Variants in TOPBP1 observed in about 807,000 individuals in gnomAD.
TOPBP1 encodes DNA topoisomerase 2-binding protein 1.
In TOPBP1, 28 loss-of-function variants were observed where a neutral mutation model predicts 167.7. That is an observed-to-expected ratio of 0.17 (90% CI 0.12 to 0.23). TOPBP1 has a LOEUF of 0.23. Ranked by LOEUF, TOPBP1 falls within the 10% of genes least tolerant of loss-of-function variation. The probability of loss-of-function intolerance (pLI) is 1.00; values close to 1 mark genes in which losing one functional copy is unlikely to be tolerated. For missense variants in TOPBP1, 1,554 were observed against 1,809.6 expected, an observed-to-expected ratio of 0.86 and a Z score of 2.56; for synonymous variants, 598 against 611.4, an observed-to-expected ratio of 0.98 and a Z score of 0.32.
chr3:133,629,096 C>A (rs1935373870), intron 14 of TOPBP1, among the ~76,000 whole-genome samples: 3 of 150,934 alleles, frequency 2.0e-5, no homozygotes, highest in Non-Finnish European at 4.4e-5. Context: ...AAATAAGCAA[C>A]GACGGATATA....
At chr3:133,658,550 G>A (rs1371988576) in intron 3 of TOPBP1, among the ~76,000 whole-genome samples, 1 of 151,622 alleles carries the variant, frequency 6.6e-6, no homozygotes, top group Non-Finnish European at 1.5e-5. Flanking sequence ...ACATCTATAA[G>A]CCCAATATTT....
intron 2 of TOPBP1, 77 bp from the exon 3 acceptor site, chr3:133,659,227 A>G: frequency 1.4e-6 from 2 of 1,390,310 alleles, no homozygotes; most frequent in Non-Finnish European, 1.9e-6. Flanking sequence ...TCCATCTCAA[A>G]TCCAGCCTTT....
chr3:133,624,445 G>A (rs1935201805), intron 16 of TOPBP1, among the ~76,000 whole-genome samples: 1 of 152,090 alleles, frequency 6.6e-6, no homozygotes, highest in African/African-American at 2.4e-5. Flanking sequence ...CTGCACTTCA[G>A]CCCAGGCAAC....
intron 17 of TOPBP1, among the ~76,000 whole-genome samples, chr3:133,623,848 T>C (rs1213292756): frequency 1.3e-5 from 2 of 152,148 alleles, no homozygotes; most frequent in East Asian, 3.8e-4. Flanking sequence ...TTAGAAAGAG[T>C]ATCCATTAAA....
chr3:133,652,183 G>A (rs1936330756), intron 8 of TOPBP1, among the ~76,000 whole-genome samples: 1 of 151,898 alleles, frequency 6.6e-6, no homozygotes, highest in South Asian at 2.1e-4. Flanking sequence ...AAGTGCTCTC[G>A]AAATATAGCA....
intron 14 of TOPBP1, 31 bp downstream of exon 14, chr3:133,637,845 T>C: frequency 6.2e-7 from 1 of 1,601,608 alleles, no homozygotes; most frequent in South Asian, 1.1e-5. Context: ...GTAAAACTGT[T>C]AACTCTGGGA....
chr3:133,649,090 C>T (rs1224452065), intron 10 of TOPBP1, among the ~76,000 whole-genome samples: 1 of 152,014 alleles, frequency 6.6e-6, no homozygotes. Flanking sequence ...GTATTTGTTA[C>T]AAGGTTTTAA....
intron 14 of TOPBP1, among the ~76,000 whole-genome samples, chr3:133,629,573 C>A (rs1935394381): frequency 6.6e-6 from 1 of 151,946 alleles, no homozygotes; most frequent in African/African-American, 2.4e-5. Flanking sequence ...TTTAAAAAAA[C>A]TAAAAAAACA....
At chr3:133,632,454 C>A (rs2107799684) in intron 14 of TOPBP1, among the ~76,000 whole-genome samples, 1 of 152,142 alleles carries the variant, frequency 6.6e-6, no homozygotes, top group East Asian at 1.9e-4. Context: ...TGGGGTAGTT[C>A]TTTATAGCAA....
At chr3:133,659,874 G>A (rs139060681) in intron 2 of TOPBP1, among the ~76,000 whole-genome samples, 1 of 152,020 alleles carries the variant, frequency 6.6e-6, no homozygotes, top group East Asian at 1.9e-4. Context: ...AACCAATTTT[G>A]AGGTCCTTAT....
At chr3:133,659,495 C>T (rs1936606071) in intron 2 of TOPBP1, among the ~76,000 whole-genome samples, 1 of 152,196 alleles carries the variant, frequency 6.6e-6, no homozygotes, top group South Asian at 2.1e-4. Flanking sequence ...ACCTTTACCT[C>T]CTACTTCTCA....
At chr3:133,607,875 C>T (rs1258908246) in intron 27 of TOPBP1, among the ~76,000 whole-genome samples, 2 of 152,178 alleles carry the variant, frequency 1.3e-5, no homozygotes, top group East Asian at 3.8e-4. Flanking sequence ...TCTATTAAAT[C>T]CTGAGCAATC....
At chr3:133,619,150 C>T (rs1003057910) in intron 20 of TOPBP1, among the ~76,000 whole-genome samples, 1 of 140,294 alleles carries the variant, frequency 7.1e-6, no homozygotes, top group Non-Finnish European at 1.6e-5. Flanking sequence ...CAAAACAAAA[C>T]ACCAAAACCC....
At chr3:133,604,298 C>A (rs1323900095) in intron 27 of TOPBP1, among the ~76,000 whole-genome samples, 1 of 151,546 alleles carries the variant, frequency 6.6e-6, no homozygotes, top group South Asian at 2.1e-4. Flanking sequence ...CCACACCCCG[C>A]TAATTTTTTT....
chr3:133,641,415 G>C (rs1167788109), intron 12 of TOPBP1, among the ~76,000 whole-genome samples: 2 of 152,276 alleles, frequency 1.3e-5, no homozygotes, highest in East Asian at 1.9e-4. Context: ...CTCCAGGCTA[G>C]AGTACAGTGG....
intron 25 of TOPBP1, 61 bp downstream of exon 25, chr3:133,610,943 A>C (rs1042079922): frequency 2.1e-6 from 3 of 1,419,832 alleles, no homozygotes; most frequent in Non-Finnish European, 2.8e-6. Context: ...TTTAAAAAAA[A>C]TGTGAAAGAG....
chr3:133,610,658 C>T (rs1314737655), intron 25 of TOPBP1, among the ~76,000 whole-genome samples: 4 of 150,498 alleles, frequency 2.7e-5, no homozygotes, highest in Admixed American at 6.6e-5. Context: ...AAAAAAAGAC[C>T]GGAAGTGCTA....
At chr3:133,640,212 A>G (rs1200350863) in intron 12 of TOPBP1, 42 bp from the exon 13 acceptor site, 2 of 1,536,650 alleles carry the variant, frequency 1.3e-6, no homozygotes, top group African/African-American at 1.4e-5. Flanking sequence ...TCACATATAC[A>G]ATTAACCCGC....
chr3:133,617,177 G>C lies in TOPBP1; in HGVS notation c.3742C>G (p.Pro1248Ala). Residue 1248 changes from proline (P) to alanine (A), a missense_variant, in exon 22 of 28, where the codon CCG becomes GCG. Pro to Ala is a conservative substitution (Grantham distance 27, BLOSUM62 -1). Transcript: ENST00000260810. ...AFPLANPPVA[P>A]HPREKIITIE... ...CAACAAACCTTTTCTCTAGGGTGCG[G>C]AGCCACAGGGGGGTTGGCGAGTGGA... 1 of 1,612,380 alleles carries C rather than the reference G, an allele frequency of 6.2e-7. No individual in the cohort carries two copies. The highest frequency in any genetic ancestry group is 8.5e-7 in the Non-Finnish European group (1 of 1,179,426).
Sources: gnomAD v4.1 joint callset for allele counts (sites outside exome capture counted in the v4.1 genomes callset) on GRCh38, gnomAD v4.1.1 for gene constraint, MANE v1.5 for transcripts, NCBI Gene and HGNC (gene_info 2026-07-23, HGNC 2026-07-21) for gene names.